FASN: variants seen among roughly 807,000 people sequenced by gnomAD.
FASN encodes the protein fatty acid synthase, also known as 3-hydroxyacyl-[acyl-carrier-protein] dehydratase.
FASN carries 50 observed loss-of-function variants against 250.0 expected under a neutral mutation model. The ratio of observed to expected loss-of-function variants is 0.20; its 90% CI spans 0.16 to 0.25. The LOEUF (loss-of-function observed/expected upper bound fraction) is 0.25, where lower values mean the gene tolerates loss of function less well. Ranked by LOEUF, FASN falls within the 10% of genes least tolerant of loss-of-function variation. The pLI is 1.00. For missense variants in FASN, 3,031 were observed against 3,498.5 expected (o/e 0.87, Z 3.37); for synonymous variants, 1,909 against 1,584.0 (o/e 1.21, Z -4.87).
chr17:82,092,806 G>A lies in FASN; in HGVS notation c.785C>T (p.Thr262Ile), dbSNP rs2034235271. The change falls in exon 7 of 43, where the codon ACC becomes ATC. Residue 262 changes from threonine (T) to isoleucine (I), a missense_variant. Transcript: ENST00000306749. The part of the protein sequence containing the change: ...NTDGFKEQGV[T>I]FPSGDIQEQL... Reference sequence around the variant, plus strand: ...CTCCTGGATATCCCCTGAGGGGAAGGTCACGCCTGCGGAGGGCTCGGCTCA... The same window carrying A: ...CTCCTGGATATCCCCTGAGGGGAAGATCACGCCTGCGGAGGGCTCGGCTCA... 1 of 1,597,966 alleles carries A rather than the reference G, an allele frequency of 6.3e-7. No homozygotes were observed.
chr17:82,079,758 C>T lies in FASN; in HGVS notation c.7147-150G>A, dbSNP rs1032796267. The T allele has an allele frequency of 6.5e-6, 7 of 1,084,024 alleles. No individual in the cohort carries two copies. The South Asian group carries it at 9.9e-5, about 15-fold the overall frequency. The allele number at this position is 1,084,024 out of a possible 1,614,324, so 67.2% of individuals were successfully genotyped here. Reference sequence around the variant, plus strand: ...GTGGGGCGATCTCAGCTCACCGCAACCTCCACCTACCCGGTTCAAGCGATT... The same window carrying T: ...GTGGGGCGATCTCAGCTCACCGCAATCTCCACCTACCCGGTTCAAGCGATT... On this transcript the variant is annotated intron_variant, in intron 41 of 42. Transcript: ENST00000306749.
At chr17:82,097,836 G>T (rs930717982) in intron 1 of FASN, among the ~76,000 whole-genome samples, 2 of 152,060 alleles carry the variant, frequency 1.3e-5, no homozygotes, top group African/African-American at 4.8e-5. Context: ...GCTCCTCCAG[G>T]CCCTTCAGGG....
intron 1 of FASN, 133 bp from the exon 2 acceptor site, chr17:82,096,585 TG>T (rs2034308172): frequency 7.3e-7 from 1 of 1,361,744 alleles, no homozygotes; most frequent in Non-Finnish European, 1.0e-6. Context: ...CCCTGGCTCC[TG>T]CGGCTCCCTT....
In FASN at chr17:82,081,850, G is replaced by A. The variant is rs527615743; in HGVS notation, c.6164-7C>T. On this transcript the variant is annotated splice_region_variant and splice_polypyrimidine_tract_variant and intron_variant, in intron 36 of 42. Coordinates refer to ENST00000306749, the MANE Select transcript of FASN (RefSeq NM_004104.5). Reference sequence around the variant, plus strand: ...CCCCACTGCACGGCCAGGCCTGTGGGGGAGGGGGCAGGTGGGCAGAGCTGC... The same window carrying A: ...CCCCACTGCACGGCCAGGCCTGTGGAGGAGGGGGCAGGTGGGCAGAGCTGC... 3 of 1,600,900 alleles carry A rather than the reference G, an allele frequency of 1.9e-6. No individual in the cohort carries two copies. Among genetic ancestry groups the A allele is most frequent in the East Asian group, 2.2e-5 (1 of 44,656 alleles).
chr17:82,093,462 A>C, intron 4 of FASN, 43 bp from the exon 5 acceptor site: 1 of 1,581,830 alleles, frequency 6.3e-7, no homozygotes, highest in Non-Finnish European at 8.6e-7. Flanking sequence ...CTGTGAGCAC[A>C]CGAGACCCCT....
chr17:82,088,717 T>C (rs1347831611), intron 15 of FASN, 44 bp downstream of exon 15: 2 of 1,575,760 alleles, frequency 1.3e-6, no homozygotes, highest in Admixed American at 1.7e-5. Context: ...CCCCACGCCG[T>C]CCCCGACTCC....
chr17:82,079,472 C>G lies in FASN; in HGVS notation c.7283G>C (p.Arg2428Pro). The change falls in exon 42 of 43, where the codon CGT becomes CCT. Residue 2428 changes from arginine to proline, a missense_variant. Transcript: ENST00000306749. ...CTTGGGTGTGTACTGCTCAGCGGCA[C>G]GCAGCTTGTAGTAGAAGGACCGGGC... is the stretch of plus-strand genomic sequence containing the variant. ...FAARSFYYKL[R>P]AAEQYTPKAK... The G allele has an allele frequency of 6.2e-7, 1 of 1,612,940 alleles. No individual in the cohort carries two copies. The highest frequency in any genetic ancestry group is 8.5e-7 in the Non-Finnish European group (1 of 1,179,992).
chr17:82,084,736 G>C lies in FASN; in HGVS notation c.4565-20C>G. 1 of 1,551,574 alleles carries C rather than the reference G, an allele frequency of 6.4e-7. No individual in the cohort carries two copies. Among genetic ancestry groups the C allele is most frequent in the Non-Finnish European group, 8.7e-7 (1 of 1,147,512 alleles). On this transcript the variant is annotated intron_variant, in intron 26 of 42. Coordinates refer to ENST00000306749, the MANE Select transcript of FASN (RefSeq NM_004104.5). ...GCTTGTCTAGGGAAACAGGGAGGTGGGGCTGCTGCGGGGCCTTCGGGTGCA... is the reference window on the plus strand; with the variant it reads ...GCTTGTCTAGGGAAACAGGGAGGTGCGGCTGCTGCGGGGCCTTCGGGTGCA...
chr17:82,079,057 C>G lies in FASN; in HGVS notation c.*86G>C. 1 of 1,425,696 alleles carries G rather than the reference C, an allele frequency of 7.0e-7. No individual in the cohort carries two copies. Among genetic ancestry groups the G allele is most frequent in the Non-Finnish European group, 9.5e-7 (1 of 1,052,620 alleles). 88.3% of individuals were successfully genotyped at this position (1,425,696 alleles called of 1,614,324 possible). A position where few individuals can be genotyped will look rare whatever the true frequency, so the allele number is the denominator to read the frequency against. On this transcript the variant is annotated 3_prime_UTR_variant, in exon 43 of 43. Coordinates refer to ENST00000306749, the MANE Select transcript of FASN (RefSeq NM_004104.5). ...GCCGGACAGGGTCCCACCGGCAGGA[C>G]CCTTCAATCCCGTTGCATGGCGGGG...
rs765625574 is a variant in FASN at position 82,085,267 on chromosome 17, T to C, written c.4258A>G (p.Thr1420Ala). Reference sequence around the variant, plus strand: ...AGAGACTCCACCCAGCGGAAGCTGGTATCGTCCACCGGCAGGAAGATGGGG... The same window carrying C: ...AGAGACTCCACCCAGCGGAAGCTGGCATCGTCCACCGGCAGGAAGATGGGG... ...DSPIFLPVDD[T>A]SFRWVESLKG... Residue 1420 changes from threonine to alanine, a missense_variant, in exon 24 of 43, where the codon ACC becomes GCC. Transcript: ENST00000306749. 1 of 1,611,630 alleles carries C rather than the reference T, an allele frequency of 6.2e-7. No homozygotes were observed. Among genetic ancestry groups the C allele is most frequent in the Admixed American group, 1.7e-5 (1 of 59,934 alleles).
chr17:82,083,653 G>C lies in FASN; in HGVS notation c.5219-14C>G. ...CCAGGTCAACGCCTAGGGGGCCAGAGGGGCCAGACAATCACACCCACTGCA... is the reference window on the plus strand; with the variant it reads ...CCAGGTCAACGCCTAGGGGGCCAGACGGGCCAGACAATCACACCCACTGCA... On this transcript the variant is annotated splice_polypyrimidine_tract_variant and intron_variant, in intron 30 of 42. Transcript: ENST00000306749. 6.2e-7 allele frequency: 1 copy of C among 1,605,220 alleles called. No individual in the cohort carries two copies. Among genetic ancestry groups the C allele is most frequent in the South Asian group, 1.1e-5 (1 of 89,908 alleles).
chr17:82,082,579 A>G lies in FASN; in HGVS notation c.5867T>C (p.Ile1956Thr), dbSNP rs372870751. ...GGGCCCAAGCTGCGCCGCCTCGGCA[A>G]TGAGGCCCCGGGCCCCCTCCAGTGA... is the stretch of plus-strand genomic sequence containing the variant. ...ISSLEGARGL[I>T]AEAAQLGPVG... The change falls in exon 34 of 43, where the codon ATT becomes ACT. Residue 1956 changes from isoleucine to threonine, a missense_variant. Coordinates refer to ENST00000306749, the MANE Select transcript of FASN (RefSeq NM_004104.5). 11 of 1,609,728 alleles carry G rather than the reference A, an allele frequency of 6.8e-6. No homozygotes were observed. Among genetic ancestry groups the G allele is most frequent in the East Asian group, 2.2e-5 (1 of 44,900 alleles).
rs1234125929 is a variant in FASN, at chr17:82,084,772, A to AGGGGCAGGGCAGTGTC, written c.4564+11_4564+26dup. On this transcript the variant is annotated intron_variant, in intron 26 of 42. Transcript: ENST00000306749. Reference sequence around the variant, plus strand: ...GGGCCTTCGGGTGCAGTCTCCCGGGAGGGGCAGGGCAGTGTCGGGGGCTCA... The same window carrying AGGGGCAGGGCAGTGTC: ...GGGCCTTCGGGTGCAGTCTCCCGGGAGGGGCAGGGCAGTGTCGGGGCAGGGCAGTGTCGGGGGCTCA... 3.9e-6 allele frequency: 6 copies of AGGGGCAGGGCAGTGTC among 1,550,028 alleles called. No individual in the cohort carries two copies. In the East Asian group the frequency reaches 1.2e-4, roughly 32 times the overall value.
rs1452564771 is a variant in FASN at position 82,093,132 on chromosome 17, G to A, written c.655+87C>T. 8 of 1,542,812 alleles carry A rather than the reference G, an allele frequency of 5.2e-6. No homozygotes were observed. In the African/African-American group the frequency reaches 8.2e-5, roughly 16 times the overall value. ...CTTGGGTGGGGGATCCCCGGAGCTGGCAGGATCCTGCTCAGCGTGGGGACT... is the reference window on the plus strand; with the variant it reads ...CTTGGGTGGGGGATCCCCGGAGCTGACAGGATCCTGCTCAGCGTGGGGACT... On this transcript the variant is annotated intron_variant, in intron 5 of 42. Transcript: ENST00000306749.
At chr17:82,079,805 C>G (rs752871598) in intron 41 of FASN, 197 bp from the exon 42 acceptor site, 1 of 755,040 alleles carries the variant, frequency 1.3e-6, no homozygotes, top group Non-Finnish European at 2.1e-6. Flanking sequence ...GCAACCTCCA[C>G]CTACCCGGTT....
Position 82,079,101 on chromosome 17 carries a change from G to T in FASN, c.*42C>A. 1 of 1,581,836 alleles carries T rather than the reference G, an allele frequency of 6.3e-7. No homozygotes were observed. Among genetic ancestry groups the T allele is most frequent in the South Asian group, 1.1e-5 (1 of 88,958 alleles). ...GGCGGGGGTGGGGTGGGGTGGGGTG[G>T]GGATGGTGGAGTGACCTCCGGTGGC... On this transcript the variant is annotated 3_prime_UTR_variant, in exon 43 of 43. Coordinates refer to ENST00000306749, the MANE Select transcript of FASN (RefSeq NM_004104.5).
chr17:82,087,910 G>A, intron 18 of FASN, 44 bp downstream of exon 18: 1 of 1,612,122 alleles, frequency 6.2e-7, no homozygotes, highest in South Asian at 1.1e-5. Flanking sequence ...GGCATGGCCA[G>A]CGGGCACAGC....
intron 1 of FASN, 31 bp from the exon 2 acceptor site, chr17:82,096,483 C>T (rs2034305972): frequency 1.9e-6 from 3 of 1,607,074 alleles, no homozygotes; most frequent in Non-Finnish European, 2.5e-6. Flanking sequence ...GTGCCCCACA[C>T]ATCCCGGCCA....
rs1187301675 is a variant in FASN at position 82,095,424 on chromosome 17, C to G, written c.176G>C (p.Arg59Thr). 1 of 1,613,002 alleles carries G rather than the reference C, an allele frequency of 6.2e-7. No individual in the cohort carries two copies. Among genetic ancestry groups the G allele is most frequent in the Non-Finnish European group, 8.5e-7 (1 of 1,180,022 alleles). Residue 59 changes from arginine to threonine, a missense_variant, in exon 3 of 43, where the codon AGG becomes ACG. Physicochemically the swap from Arg to Thr is moderately conservative, Grantham distance 71. Coordinates refer to ENST00000306749, the MANE Select transcript of FASN (RefSeq NM_004104.5). ...RRSGKLKDLS[R>T]FDASFFGVHP... is the part of the protein sequence containing the mutation. ...GACTCCGAAGAAGGAGGCATCAAAC[C>G]TAGACAGGTCCTTCAGCTTGCCGGA...
Sources: gnomAD v4.1 joint callset for allele counts (sites outside exome capture counted in the v4.1 genomes callset) on GRCh38, gnomAD v4.1.1 for gene constraint, MANE v1.5 for transcripts, NCBI Gene and HGNC (gene_info 2026-07-23, HGNC 2026-07-21) for gene names.